The following SEMA5A variants were observed in gnomAD, a reference collection of about 807,000 sequenced individuals.
SEMA5A encodes the protein semaphorin-5A.
Under a neutral mutation model 135.5 loss-of-function variants are expected in SEMA5A, and 55 were observed. The observed-to-expected ratio is 0.41, with a 90% CI of 0.33 to 0.51. The LOEUF is 0.51. Ranked by LOEUF, SEMA5A falls within the 20% of genes least tolerant of loss-of-function variation. The probability of loss-of-function intolerance (pLI) is 0.37; values close to 1 mark genes in which losing one functional copy is unlikely to be tolerated. For missense variants in SEMA5A, 1,290 were observed against 1,419.9 expected (o/e 0.91, Z 1.47); for synonymous variants, 580 against 546.5 (o/e 1.06, Z -0.85).
intron 16 of SEMA5A, among the ~76,000 whole-genome samples, chr5:9,073,031 C>T (rs1737854004): frequency 6.6e-6 from 1 of 152,144 alleles, no homozygotes; most frequent in South Asian, 2.1e-4. Flanking sequence ...AACATGCCAG[C>T]TGTAACATAC....
At chr5:9,091,806 G>A (rs1253987346) in intron 16 of SEMA5A, among the ~76,000 whole-genome samples, 1 of 152,116 alleles carries the variant, frequency 6.6e-6, no homozygotes, top group Non-Finnish European at 1.5e-5. Flanking sequence ...CAATTCCAAT[G>A]ACAACCCCTC....
At chr5:9,205,051 A>G (rs560203660) in intron 8 of SEMA5A, among the ~76,000 whole-genome samples, 3 of 152,288 alleles carry the variant, frequency 2.0e-5, no homozygotes, top group Admixed American at 1.3e-4. Context: ...AGTCCCAAAA[A>G]GTTTAGGGAC....
intron 1 of SEMA5A, among the ~76,000 whole-genome samples, chr5:9,459,395 C>CT (rs769264447): frequency 6.6e-6 from 1 of 152,222 alleles, no homozygotes; most frequent in Non-Finnish European, 1.5e-5. Context: ...CCCTGGCTGG[C>CT]TTTTGGATTC....
chr5:9,306,014 T>C (rs926679291), intron 5 of SEMA5A, among the ~76,000 whole-genome samples: 1 of 152,194 alleles, frequency 6.6e-6, no homozygotes, highest in African/African-American at 2.4e-5. Flanking sequence ...AAACTGGCTA[T>C]GGATCTTATT....
chr5:9,218,263 G>A lies in SEMA5A; in HGVS notation c.646+6411C>T, dbSNP rs538577955. Among the ~76,000 whole-genome samples the A allele has an allele frequency of 3.3e-5, 5 of 152,294 alleles. No individual in the cohort carries two copies. The East Asian group carries it at 9.6e-4, about 29-fold the overall frequency. On this transcript the variant is annotated intron_variant, in intron 8 of 22. Coordinates refer to ENST00000382496, the MANE Select transcript of SEMA5A (RefSeq NM_003966.3). Reference sequence around the variant, plus strand: ...AATTTCTATTGTTTTGAGCTACCCTGTTTGTGGTACTTTGTTTTAGCAACC... The same window carrying A: ...AATTTCTATTGTTTTGAGCTACCCTATTTGTGGTACTTTGTTTTAGCAACC...
chr5:9,334,701 T>C (rs1753303938), intron 4 of SEMA5A, among the ~76,000 whole-genome samples: 1 of 152,190 alleles, frequency 6.6e-6, no homozygotes, highest in Admixed American at 6.5e-5. Context: ...TTTTCTGTTA[T>C]TATTTATCAA....
intron 3 of SEMA5A, among the ~76,000 whole-genome samples, chr5:9,366,975 C>A (rs1439367011): frequency 1.3e-5 from 2 of 152,162 alleles, no homozygotes; most frequent in Non-Finnish European, 2.9e-5. Context: ...GTCTGGTATT[C>A]TTTAAACATG....
Position 9,036,863 on chromosome 5 carries a change from A to G in SEMA5A, c.*6034T>C. ...GCAACTTTTTCTAGGAAATTAAACT[A>G]CCGCACTTACAGAGAGGGAAGAAAA... On this transcript the variant is annotated 3_prime_UTR_variant, in exon 23 of 23. Coordinates refer to ENST00000382496, the MANE Select transcript of SEMA5A (RefSeq NM_003966.3). The G allele has an allele frequency of 6.5e-6, 1 of 152,744 alleles. No individual in the cohort carries two copies. 9.5% of individuals were successfully genotyped at this position (152,744 alleles called of 1,614,324 possible).
intron 19 of SEMA5A, 76 bp from the exon 20 acceptor site, chr5:9,052,104 CAT>C: frequency 7.1e-7 from 1 of 1,413,952 alleles, no homozygotes; most frequent in Non-Finnish European, 9.4e-7. Context: ...TGGCAAGTTA[CAT>C]ATGTGATTTC....
In SEMA5A at chr5:9,527,218, C is replaced by T. The variant is rs534699934; in HGVS notation, c.-175+18366G>A. Among the ~76,000 whole-genome samples the T allele has an allele frequency of 1.2e-4, 19 of 152,186 alleles. No individual in the cohort carries two copies. In the East Asian group the frequency reaches 3.7e-3, roughly 30 times the overall value. On this transcript the variant is annotated intron_variant, in intron 1 of 22. Transcript: ENST00000382496. The stretch of plus-strand genomic sequence containing the variant: ...GAAGGATGCAGCCAGACCTAGGAGA[C>T]CCCTCAGAGCACAAGCCCTTCTACC...
At chr5:9,479,436 C>T (rs978915198) in intron 1 of SEMA5A, among the ~76,000 whole-genome samples, 11 of 151,962 alleles carry the variant, frequency 7.2e-5, no homozygotes, top group South Asian at 6.3e-4. Context: ...CTACAATAAG[C>T]GATGGCGGGA....
intron 13 of SEMA5A, among the ~76,000 whole-genome samples, chr5:9,134,070 C>CT (rs1741592073): frequency 6.6e-6 from 1 of 152,140 alleles, no homozygotes; most frequent in African/African-American, 2.4e-5. Context: ...TTCTTCTTCA[C>CT]TTTCTGCCAT....
intron 3 of SEMA5A, among the ~76,000 whole-genome samples, chr5:9,346,928 ATG>A (rs573321808): frequency 1.5e-3 from 227 of 150,734 alleles, no homozygotes; most frequent in Non-Finnish European, 2.8e-3. Context: ...ATATATATAT[ATG>A]TATTTGCCTA....
At chr5:9,079,859 G>A (rs543716304) in intron 16 of SEMA5A, among the ~76,000 whole-genome samples, 12 of 152,210 alleles carry the variant, frequency 7.9e-5, no homozygotes, top group South Asian at 6.2e-4. Flanking sequence ...ACCATCTCAC[G>A]CCAGTTAGAA....
In SEMA5A at chr5:9,042,879, C is replaced by G; in HGVS notation, c.*18G>C. On this transcript the variant is annotated 3_prime_UTR_variant, in exon 23 of 23. Transcript: ENST00000382496. ...TGAGGAACTGGGGATTTACAAGAAG[C>G]CAAAAACATGAAAGCTGTTAGTACT... is the stretch of plus-strand genomic sequence containing the variant. 4 of 1,613,444 alleles carry G rather than the reference C, an allele frequency of 2.5e-6. No individual in the cohort carries two copies. The highest frequency in any genetic ancestry group is 3.4e-6 in the Non-Finnish European group (4 of 1,179,724).
At chr5:9,450,984 G>A (rs886795759) in intron 1 of SEMA5A, among the ~76,000 whole-genome samples, 3 of 152,164 alleles carry the variant, frequency 2.0e-5, no homozygotes, top group Non-Finnish European at 2.9e-5. Context: ...TGAATACAGA[G>A]CTTTAAAAAG....
rs1753456567 is a variant in SEMA5A at position 9,337,745 on chromosome 5, G to T, written c.192C>A (p.Asp64Glu). ...CTACAACAAGTTCTTTCTGTCCTGGGTCAAATGTTAACTGCGAGAAATCCA... is the reference window on the plus strand; with the variant it reads ...CTACAACAAGTTCTTTCTGTCCTGGTTCAAATGTTAACTGCGAGAAATCCA... ...NAVDFSQLTF[D>E]PGQKELVVGA... The change falls in exon 4 of 23, where the codon GAC becomes GAA. Residue 64 changes from aspartate (D) to glutamate (E), a missense_variant. Around this residue, in one of 3 missense-constraint regions of SEMA5A, gnomAD observed 116 missense variants for 121.3 expected, o/e 0.96. Transcript: ENST00000382496. 1.9e-6 allele frequency: 3 copies of T among 1,611,596 alleles called. No homozygotes were observed. The highest frequency in any genetic ancestry group is 1.6e-4 in the Middle Eastern group (1 of 6,072).
chr5:9,504,624 G>T (rs1284866249), intron 1 of SEMA5A, among the ~76,000 whole-genome samples: 1 of 152,242 alleles, frequency 6.6e-6, no homozygotes, highest in East Asian at 1.9e-4. Context: ...GTGGTCAGTA[G>T]AGCTGCCCCT....
At chr5:9,176,633 C>T (rs1480562558) in intron 11 of SEMA5A, among the ~76,000 whole-genome samples, 1 of 152,272 alleles carries the variant, frequency 6.6e-6, no homozygotes, top group East Asian at 1.9e-4. Flanking sequence ...TGTGTGAAGC[C>T]CAGGGTCCCC....
Sources: gnomAD v4.1 joint callset for allele counts (sites outside exome capture counted in the v4.1 genomes callset) on GRCh38, gnomAD v4.1.1 for gene constraint, gnomAD v4.1.1 regional missense constraint, MANE v1.5 for transcripts, NCBI Gene and HGNC (gene_info 2026-07-23, HGNC 2026-07-21) for gene names.